DGKG: variants seen among roughly 807,000 people sequenced by gnomAD.
The protein encoded by DGKG is diacylglycerol kinase gamma.
Under a neutral mutation model 105.3 loss-of-function variants are expected in DGKG, and 78 were observed. The ratio of observed to expected loss-of-function variants is 0.74; its 90% CI spans 0.62 to 0.89. The LOEUF is 0.89. Ranked by LOEUF, DGKG falls within the 40% of genes least tolerant of loss-of-function variation. DGKG has a pLI of 0.00. For synonymous variants in DGKG, 346 were observed against 367.1 expected (o/e 0.94, Z 0.66); for missense variants, 958 against 1,020.1 (o/e 0.94, Z 0.83).
intron 20 of DGKG, among the ~76,000 whole-genome samples, chr3:186,213,286 T>C (rs1012020023): frequency 1.3e-5 from 2 of 152,242 alleles, no homozygotes; most frequent in Non-Finnish European, 2.9e-5. Context: ...CAGGCGTACC[T>C]GGGATGTCAG....
At chr3:186,159,738 T>G (rs576377495) in intron 24 of DGKG, 1 of 152,260 alleles carries the variant, frequency 6.6e-6, no homozygotes, top group African/African-American at 2.4e-5. Context: ...CCTTCTGTTA[T>G]GGAATAAATT....
rs557125880 is a variant in DGKG at position 186,207,386 on chromosome 3, A to G, written c.1917+4409T>C. ...AAATCTGGATTTGAAGGCTGATCTG[A>G]TCACTTGTAGGTTATGGACCTCAGG... On this transcript the variant is annotated intron_variant, in intron 21 of 24. Transcript: ENST00000265022. 16 of 916,320 alleles carry G rather than the reference A, an allele frequency of 1.7e-5. No homozygotes were observed. The African/African-American group carries it at 2.5e-4, about 14-fold the overall frequency. 56.8% of individuals were successfully genotyped at this position (916,320 alleles called of 1,614,324 possible).
chr3:186,163,143 C>G (rs1290961905), intron 23 of DGKG, among the ~76,000 whole-genome samples: 1 of 152,100 alleles, frequency 6.6e-6, no homozygotes, highest in Non-Finnish European at 1.5e-5. Context: ...GTAGCTAGGA[C>G]TACAGGTGCA....
chr3:186,312,664 T>G (rs1013659268), intron 2 of DGKG, among the ~76,000 whole-genome samples: 2 of 152,238 alleles, frequency 1.3e-5, no homozygotes, highest in Non-Finnish European at 2.9e-5. Context: ...ATTTTCCTTC[T>G]TCCAGTGAAG....
chr3:186,224,799 T>C (rs924296426), intron 20 of DGKG, among the ~76,000 whole-genome samples: 1 of 130,604 alleles, frequency 7.7e-6, no homozygotes, highest in South Asian at 2.7e-4. Context: ...CAATGCTACA[T>C]ACTTTAATAC....
chr3:186,287,184 A>T (rs1723110105), intron 6 of DGKG, among the ~76,000 whole-genome samples: 1 of 152,212 alleles, frequency 6.6e-6, no homozygotes, highest in Non-Finnish European at 1.5e-5. Flanking sequence ...AATTAAAAAT[A>T]TCTAGGATAA....
chr3:186,211,474 T>G (rs1038510347), intron 21 of DGKG, among the ~76,000 whole-genome samples: 4 of 152,150 alleles, frequency 2.6e-5, no homozygotes, highest in African/African-American at 9.7e-5. Flanking sequence ...CCTCTCCCTG[T>G]GCTGACGGCA....
rs925745974 is a variant in DGKG at position 186,217,743 on chromosome 3, C to T, written c.1827-5858G>A. On this transcript the variant is annotated intron_variant, in intron 20 of 24. Coordinates refer to ENST00000265022, the MANE Select transcript of DGKG (RefSeq NM_001346.3). ...CCATTCACTTTACCAGCAGAGGCTA[C>T]GCACTCAGCTTCCTATGCCACCCTG... 7.9e-5 allele frequency among the ~76,000 whole-genome samples: 12 copies of T among 152,340 alleles called. No individual in the cohort carries two copies. In the South Asian group the frequency reaches 1.2e-3, roughly 16 times the overall value.
At chr3:186,301,604 G>A (rs756441876) in intron 3 of DGKG, among the ~76,000 whole-genome samples, 12 of 152,232 alleles carry the variant, frequency 7.9e-5, no homozygotes, top group Admixed American at 2.6e-4. Flanking sequence ...CCCAGCCTGG[G>A]TGACAGAGCG....
At position 186,284,742 on chromosome 3, in the gene DGKG, T is replaced by C. The variant is rs1722984704; in HGVS notation, c.545-33A>G. 1.9e-6 allele frequency: 3 copies of C among 1,600,384 alleles called. No homozygotes were observed. In the East Asian group the frequency reaches 6.7e-5, roughly 36 times the overall value. On this transcript the variant is annotated intron_variant, in intron 6 of 24. Coordinates refer to ENST00000265022, the MANE Select transcript of DGKG (RefSeq NM_001346.3). This position sits in a 1 kb window ranked among gnomAD's most constrained non-coding sequence, Gnocchi z 4.0. Reference sequence around the variant, plus strand: ...AAACACAGAGGTAAGCCTTGAGGTGTCCTCTAAGAAGCGCGGATGGCTGAA... The same window carrying C: ...AAACACAGAGGTAAGCCTTGAGGTGCCCTCTAAGAAGCGCGGATGGCTGAA...
Position 186,215,216 on chromosome 3 carries a change from G to A in DGKG, c.1827-3331C>T, listed in dbSNP as rs142976065. On this transcript the variant is annotated intron_variant, in intron 20 of 24. Transcript: ENST00000265022. Reference sequence around the variant, plus strand: ...ACCTGAGGTCAGGAGTTCGAGACCCGCCTGGCCAACATGGTGAAACCCCAT... The same window carrying A: ...ACCTGAGGTCAGGAGTTCGAGACCCACCTGGCCAACATGGTGAAACCCCAT... Among the ~76,000 whole-genome samples, 1,071 of 152,130 alleles carry A rather than the reference G, an allele frequency of 7.0e-3. 13 individuals carry two copies. The highest frequency in any genetic ancestry group is 0.024 in the African/African-American group (1,016 of 41,520).
intron 17 of DGKG, among the ~76,000 whole-genome samples, chr3:186,256,960 C>G (rs1393922530): frequency 6.6e-6 from 1 of 152,216 alleles, no homozygotes; most frequent in Non-Finnish European, 1.5e-5. Context: ...TGTTCATTGC[C>G]TGTCTCTTTC....
At chr3:186,352,715 T>C (rs1480618847) in intron 1 of DGKG, among the ~76,000 whole-genome samples, 1 of 152,154 alleles carries the variant, frequency 6.6e-6, no homozygotes, top group Non-Finnish European at 1.5e-5. Context: ...CCTGGTTCTG[T>C]CCCTGACTCC....
rs370305570 is a variant in DGKG, at chr3:186,266,189, G to A, written c.1210-883C>T. On this transcript the variant is annotated intron_variant, in intron 13 of 24. Coordinates refer to ENST00000265022, the MANE Select transcript of DGKG (RefSeq NM_001346.3). The stretch of plus-strand genomic sequence containing the variant: ...CTGTTGTGACTCCTGATACCACATG[G>A]GTTTTGCCTGGCTTTTGAATTTCAT... 6.6e-5 allele frequency among the ~76,000 whole-genome samples: 10 copies of A among 152,086 alleles called. No individual in the cohort carries two copies. The East Asian group carries it at 7.7e-4, about 12-fold the overall frequency.
At position 186,267,711 on chromosome 3, in the gene DGKG, G is replaced by C; in HGVS notation, c.1183C>G (p.Pro395Ala). 6.2e-7 allele frequency: 1 copy of C among 1,614,060 alleles called. No homozygotes were observed. The highest frequency in any genetic ancestry group is 8.5e-7 in the Non-Finnish European group (1 of 1,179,942). Residue 395 changes from proline to alanine, a missense_variant, in exon 13 of 25, where the codon CCC (proline) becomes GCC (alanine). By Grantham distance (27) the Pro-to-Ala change is conservative. This residue lies in a region of DGKG where 643 missense variants were observed against 619.5 expected (regional missense o/e 1.04). Transcript: ENST00000265022. ...GGELRDHILL[P>A]TSICPITRDR... ...CGGGTGATGGGGCATATGGAGGTGG[G>C]CAGTAAGATGTGGTCTCTGAGTTCC...
chr3:186,326,975 T>A (rs1725373202), intron 1 of DGKG, among the ~76,000 whole-genome samples: 1 of 152,082 alleles, frequency 6.6e-6, no homozygotes, highest in Non-Finnish European at 1.5e-5. Context: ...CTGAGCAATA[T>A]GGCAAAACCC....
chr3:186,199,750 C>T (rs2108509888), intron 21 of DGKG, among the ~76,000 whole-genome samples: 1 of 152,006 alleles, frequency 6.6e-6, no homozygotes, highest in African/African-American at 2.4e-5. Context: ...TGACCTCAGA[C>T]AATCGGCCTG....
chr3:186,318,320 T>G (rs189817701), intron 2 of DGKG, among the ~76,000 whole-genome samples: 1 of 151,802 alleles, frequency 6.6e-6, no homozygotes, highest in African/African-American at 2.4e-5. Context: ...ACCACAGGAA[T>G]GCTTAGTGGG....
Position 186,185,286 on chromosome 3 carries a change from G to C in DGKG, c.2095+2916C>G, listed in dbSNP as rs148595102. Among the ~76,000 whole-genome samples the C allele has an allele frequency of 2.6e-5, 4 of 152,338 alleles. No homozygotes were observed. The East Asian group carries it at 7.7e-4, about 29-fold the overall frequency. On this transcript the variant is annotated intron_variant, in intron 22 of 24. Coordinates refer to ENST00000265022, the MANE Select transcript of DGKG (RefSeq NM_001346.3). ...AGCCCAGAAGTCAGTGCCCCACTCT[G>C]ATCAGCTGATGTCCTCATCTAAAGA...
Sources: gnomAD v4.1 joint callset for allele counts (sites outside exome capture counted in the v4.1 genomes callset) on GRCh38, gnomAD v4.1.1 for gene constraint, gnomAD v4.1.1 regional missense constraint, Gnocchi (gnomAD v3.1) non-coding constraint, MANE v1.5 for transcripts, NCBI Gene and HGNC (gene_info 2026-07-23, HGNC 2026-07-21) for gene names.